The following DSPP variants were observed in gnomAD, a reference collection of about 807,000 sequenced individuals.
DSPP encodes dentin sialophosphoprotein.
In DSPP, 28 loss-of-function variants were observed where a neutral mutation model predicts 29.1. The observed-to-expected ratio is 0.96, with a 90% CI of 0.71 to 1.32. The LOEUF (loss-of-function observed/expected upper bound fraction) is 1.32. DSPP is among the 40% of genes most tolerant of loss of function. The probability of loss-of-function intolerance (pLI) is 0.00; values close to 1 mark genes in which losing one functional copy is unlikely to be tolerated. For missense variants in DSPP, 1,281 were observed against 1,629.9 expected (o/e 0.79, Z 3.69); for synonymous variants, 481 against 503.4 (o/e 0.96, Z 0.60).
intron 1 of DSPP, among the ~76,000 whole-genome samples, chr4:87,610,231 C>G (rs1727709061): frequency 6.6e-6 from 1 of 152,098 alleles, no homozygotes; most frequent in South Asian, 2.1e-4. Flanking sequence ...ACCAAATACC[C>G]TTTGAAGTGG....
Position 87,612,904 on chromosome 4 carries a change from G to C in DSPP, c.718G>C (p.Asp240His). Residue 240 changes from aspartate to histidine, a missense_variant, in exon 4 of 5, where the codon GAT (aspartate) becomes CAT (histidine). By Grantham distance (81) the Asp-to-His change is moderately conservative. Around this residue, in one of 4 missense-constraint regions of DSPP, gnomAD observed 631 missense variants for 643.2 expected, o/e 0.98. Coordinates refer to ENST00000651931, the MANE Select transcript of DSPP (RefSeq NM_014208.3). ...TPGTGEDAGLDNSDGSPSGNG... is the reference protein window; with the variant it reads ...TPGTGEDAGLHNSDGSPSGNG... ...AGGCACTGGAGAAGATGCTGGCCTGGATAATTCCGATGGGAGTCCTAGTGG... is the reference window on the plus strand; with the variant it reads ...AGGCACTGGAGAAGATGCTGGCCTGCATAATTCCGATGGGAGTCCTAGTGG... 6.2e-7 allele frequency: 1 copy of C among 1,614,180 alleles called. No individual in the cohort carries two copies. The highest frequency in any genetic ancestry group is 1.1e-5 in the South Asian group (1 of 91,078).
intron 3 of DSPP, 55 bp downstream of exon 3, chr4:87,612,243 A>G (rs1727748158): frequency 1.9e-6 from 3 of 1,612,248 alleles, no homozygotes; most frequent in Non-Finnish European, 2.5e-6. Context: ...GCTACATTCC[A>G]TTAACTTCTC....
Position 87,612,346 on chromosome 4 carries a change from A to G in DSPP, c.160A>G (p.Ile54Val), listed in dbSNP as rs1727750619. The part of the protein sequence containing the change: ...VQDELNASGT[I>V]KESGVLVHEG... ...GGATGAGTTAAATGCCAGTGGAACC[A>G]TCAAAGAAAGTGGTGTCCTGGTGCA... is the stretch of plus-strand genomic sequence containing the variant. The change falls in exon 4 of 5, where the codon ATC becomes GTC. Residue 54 changes from isoleucine to valine, a missense_variant. Coordinates refer to ENST00000651931, the MANE Select transcript of DSPP (RefSeq NM_014208.3). The G allele has an allele frequency of 1.9e-6, 3 of 1,614,148 alleles. No homozygotes were observed. The highest frequency in any genetic ancestry group is 2.5e-6 in the Non-Finnish European group (3 of 1,179,986).
Position 87,614,357 on chromosome 4 carries a change from C to T in DSPP, c.1695C>T (p.Asp565=), listed in dbSNP as rs1578140779. 1 of 1,598,986 alleles carries T rather than the reference C, an allele frequency of 6.3e-7. No individual in the cohort carries two copies. Among genetic ancestry groups the T allele is most frequent in the Non-Finnish European group, 8.5e-7 (1 of 1,172,540 alleles). The change falls in exon 5 of 5, where the codon GAC becomes GAT. Residue 565 remains aspartate, a synonymous_variant. Coordinates refer to ENST00000651931, the MANE Select transcript of DSPP (RefSeq NM_014208.3). ...GCAGCAATAGCAGTGATAGTAGTGA[C>T]AGCAGTGACAGTGACAGCAGTGATA... ...SDSSNSSDSS[D]SSDSDSSDSN...
In DSPP at chr4:87,613,241, G is replaced by A. The variant is rs1280815303; in HGVS notation, c.1055G>A (p.Ser352Asn). The change falls in exon 4 of 5, where the codon AGC becomes AAC. Residue 352 changes from serine to asparagine, a missense_variant. Around this residue, in one of 4 missense-constraint regions of DSPP, gnomAD observed 631 missense variants for 643.2 expected, o/e 0.98. Coordinates refer to ENST00000651931, the MANE Select transcript of DSPP (RefSeq NM_014208.3). ...EDTQKLNHRE[S>N]KRVENRITKE... The stretch of plus-strand genomic sequence containing the variant: ...ACCCAGAAGCTCAACCATAGAGAAA[G>A]CAAACGCGTAGAAAATAGAATCACC... 1 of 1,613,848 alleles carries A rather than the reference G, an allele frequency of 6.2e-7. No individual in the cohort carries two copies. The highest frequency in any genetic ancestry group is 1.1e-5 in the South Asian group (1 of 91,062).
At chr4:87,611,042 T>TGC in intron 2 of DSPP, 83 bp downstream of exon 2, 1 of 1,071,136 alleles carries the variant, frequency 9.3e-7, no homozygotes, top group Non-Finnish European at 1.4e-6. Flanking sequence ...TGTGTGTGTG[T>TGC]GTGTGTGTGT....
chr4:87,612,163 T>C lies in DSPP; in HGVS notation c.110T>C (p.Leu37Pro), dbSNP rs1442876123. The C allele has an allele frequency of 1.9e-6, 3 of 1,614,042 alleles. No homozygotes were observed. Among genetic ancestry groups the C allele is most frequent in the Non-Finnish European group, 2.5e-6 (3 of 1,179,904 alleles). The change falls in exon 3 of 5, where the codon CTA (leucine) becomes CCA (proline). Residue 37 changes from leucine (L) to proline (P), a missense_variant. This residue lies in a region of DSPP where 631 missense variants were observed against 643.2 expected (regional missense o/e 0.98). Transcript: ENST00000651931. ...HVEKSMNLHL[L>P]ARSNVSVQDE... ...GAAAAATCCATGAATTTGCATCTCC[T>C]AGCAAGATCAAATGTGTCAGTACAG...
In DSPP at chr4:87,613,987, G is replaced by A. The variant is rs781125550; in HGVS notation, c.1325G>A (p.Gly442Asp). 1.2e-6 allele frequency: 2 copies of A among 1,614,198 alleles called. No homozygotes were observed. The highest frequency in any genetic ancestry group is 1.7e-5 in the Admixed American group (1 of 60,024). ...PGNKVGHSNT[G>D]SDSNSDGYDS... ...AATAAAGTTGGACACAGCAATACAG[G>A]TAGTGACAGCAATAGTGATGGATAT... Residue 442 changes from glycine to aspartate, a missense_variant, in exon 5 of 5, where the codon GGT becomes GAT. Around this residue, in one of 4 missense-constraint regions of DSPP, gnomAD observed 631 missense variants for 643.2 expected, o/e 0.98. Coordinates refer to ENST00000651931, the MANE Select transcript of DSPP (RefSeq NM_014208.3).
Position 87,612,373 on chromosome 4 carries a change from G to C in DSPP, c.187G>C (p.Glu63Gln). The C allele has an allele frequency of 6.2e-7, 1 of 1,614,150 alleles. No homozygotes were observed. The highest frequency in any genetic ancestry group is 8.5e-7 in the Non-Finnish European group (1 of 1,180,004). ...TIKESGVLVH[E>Q]GDRGRQENTQ... ...CAAAGAAAGTGGTGTCCTGGTGCAT[G>C]AAGGTGATAGAGGAAGGCAAGAGAA... The change falls in exon 4 of 5, where the codon GAA becomes CAA. Residue 63 changes from glutamate to glutamine, a missense_variant. Glu to Gln is a conservative substitution (Grantham distance 29, BLOSUM62 2). Around this residue, in one of 4 missense-constraint regions of DSPP, gnomAD observed 631 missense variants for 643.2 expected, o/e 0.98. Coordinates refer to ENST00000651931, the MANE Select transcript of DSPP (RefSeq NM_014208.3).
At chr4:87,608,796 C>T (rs77898910) in intron 1 of DSPP, among the ~76,000 whole-genome samples, 176 bp downstream of exon 1, 3,532 of 152,092 alleles carry the variant, frequency 0.023, 138 homozygotes, top group African/African-American at 0.081. Context: ...CGGACAATTA[C>T]GACCTAAGGA....
intron 1 of DSPP, among the ~76,000 whole-genome samples, chr4:87,610,647 G>C (rs867087313): frequency 6.6e-6 from 1 of 152,090 alleles, no homozygotes; most frequent in Non-Finnish European, 1.5e-5. Flanking sequence ...ACCTATTATG[G>C]CGTTTTCCTT....
rs769668370 is a variant in DSPP at position 87,612,545 on chromosome 4, G to A, written c.359G>A (p.Gly120Asp). ...NGDTGKAETY[G>D]HDGIHGKEEN... ...GACACAGGAAAAGCAGAAACATATG[G>A]TCATGATGGAATACATGGGAAAGAA... Residue 120 changes from glycine (G) to aspartate (D), a missense_variant, in exon 4 of 5, where the codon GGT (glycine) becomes GAT (aspartate). Physicochemically the swap from Gly to Asp is moderately conservative, Grantham distance 94. This residue lies in a region of DSPP where 631 missense variants were observed against 643.2 expected (regional missense o/e 0.98). Coordinates refer to ENST00000651931, the MANE Select transcript of DSPP (RefSeq NM_014208.3). The A allele has an allele frequency of 3.1e-6, 5 of 1,614,120 alleles. No homozygotes were observed. Among genetic ancestry groups the A allele is most frequent in the Non-Finnish European group, 4.2e-6 (5 of 1,179,996 alleles).
Position 87,615,030 on chromosome 4 carries a change from AATAGCAGTGACAGCAGTG to A in DSPP, c.2376_2393del (p.Asp793_Ser798del). 6.4e-7 allele frequency: 1 copy of A among 1,550,388 alleles called. No homozygotes were observed. The highest frequency in any genetic ancestry group is 2.4e-5 in the East Asian group (1 of 40,870). On this transcript the variant is annotated inframe_deletion, in exon 5 of 5. Transcript: ENST00000651931. Reference sequence around the variant, plus strand: ...CAGCAGTGATAGCAACGACAGCAGCAATAGCAGTGACAGCAGTGATAGCAGCAACAGCAGTGATAGCAG... The same window carrying A: ...CAGCAGTGATAGCAACGACAGCAGCAATAGCAGCAACAGCAGTGATAGCAG...
rs1727795059 is a variant in DSPP, at chr4:87,613,978, G to A, written c.1316G>A (p.Ser439Asn). 1 of 1,614,212 alleles carries A rather than the reference G, an allele frequency of 6.2e-7. No individual in the cohort carries two copies. Among genetic ancestry groups the A allele is most frequent in the Non-Finnish European group, 8.5e-7 (1 of 1,180,046 alleles). Residue 439 changes from serine (S) to asparagine (N), a missense_variant, in exon 5 of 5, where the codon AGC becomes AAC. By Grantham distance (46) the Ser-to-Asn change is conservative. This residue lies in a region of DSPP where 631 missense variants were observed against 643.2 expected (regional missense o/e 0.98). Coordinates refer to ENST00000651931, the MANE Select transcript of DSPP (RefSeq NM_014208.3). ...GAACCAGGAAATAAAGTTGGACACA[G>A]CAATACAGGTAGTGACAGCAATAGT... ...KSEPGNKVGH[S>N]NTGSDSNSDG... is the part of the protein sequence containing the mutation.
At chr4:87,609,000 A>G (rs1727685939) in intron 1 of DSPP, among the ~76,000 whole-genome samples, 1 of 152,218 alleles carries the variant, frequency 6.6e-6, no homozygotes, top group Non-Finnish European at 1.5e-5. Context: ...ATTACTTACT[A>G]TTACTTATTA....
At chr4:87,609,288 C>A (rs1272971250) in intron 1 of DSPP, among the ~76,000 whole-genome samples, 3 of 152,206 alleles carry the variant, frequency 2.0e-5, no homozygotes, top group Non-Finnish European at 4.4e-5. Context: ...GATTTCTGAA[C>A]TGTAGCTCAG....
At chr4:87,612,274 C>CTTCA in intron 3 of DSPP, 48 bp from the exon 4 acceptor site, 1 of 1,612,792 alleles carries the variant, frequency 6.2e-7, no homozygotes. Context: ...ATTTGCTTTC[C>CTTCA]TTCAAGATCA....
rs367655757 is a variant in DSPP at position 87,612,133 on chromosome 4, A to G, written c.80A>G (p.His27Arg). 1.2e-6 allele frequency: 2 copies of G among 1,614,010 alleles called. No individual in the cohort carries two copies. The highest frequency in any genetic ancestry group is 1.7e-6 in the Non-Finnish European group (2 of 1,179,888). Residue 27 changes from histidine (H) to arginine (R), a missense_variant, in exon 3 of 5, where the codon CAT becomes CGT. Coordinates refer to ENST00000651931, the MANE Select transcript of DSPP (RefSeq NM_014208.3). ...CCTCAAAGCAAACCACTGGAGAGAC[A>G]TGTCGAAAAATCCATGAATTTGCAT... ...PVPQSKPLER[H>R]VEKSMNLHLL...
Position 87,614,184 on chromosome 4 carries a change from A to C in DSPP, c.1522A>C (p.Lys508Gln), listed in dbSNP as rs753872952. The change falls in exon 5 of 5, where the codon AAA (lysine) becomes CAA (glutamine). Residue 508 changes from lysine to glutamine, a missense_variant. Lys to Gln is a moderately conservative substitution (Grantham distance 53, BLOSUM62 1). This residue lies in a region of DSPP where 631 missense variants were observed against 643.2 expected (regional missense o/e 0.98). Coordinates refer to ENST00000651931, the MANE Select transcript of DSPP (RefSeq NM_014208.3). The part of the protein sequence containing the change: ...SKDNGNGSDS[K>Q]GAEDDDSDST... ...AGATAATGGCAATGGCAGTGACTCA[A>C]AAGGAGCAGAAGATGATGACAGTGA... 8 of 1,614,148 alleles carry C rather than the reference A, an allele frequency of 5.0e-6. No individual in the cohort carries two copies. The highest frequency in any genetic ancestry group is 1.7e-6 in the Non-Finnish European group (2 of 1,180,056).
Sources: gnomAD v4.1 joint callset for allele counts (sites outside exome capture counted in the v4.1 genomes callset) on GRCh38, gnomAD v4.1.1 for gene constraint, gnomAD v4.1.1 regional missense constraint, MANE v1.5 for transcripts, NCBI Gene and HGNC (gene_info 2026-07-23, HGNC 2026-07-21) for gene names.